The following FOXN2 variants were observed in gnomAD, a reference collection of about 807,000 sequenced individuals.
FOXN2 encodes the protein forkhead box protein N2.
A neutral mutation model predicts 41.2 loss-of-function variants in FOXN2; 19 were observed. That is an observed-to-expected ratio of 0.46 (90% CI 0.32 to 0.68). The LOEUF is 0.68. Among genes scored for constraint, FOXN2 ranks in the 30% least tolerant of loss-of-function variants. The pLI, the probability that FOXN2 is intolerant of heterozygous loss-of-function variation, is 0.03. For missense variants in FOXN2, 587 were observed against 509.4 expected, an observed-to-expected ratio of 1.15 and a Z score of -1.47; for synonymous variants, 195 against 176.8, an observed-to-expected ratio of 1.10 and a Z score of -0.82.
At position 48,333,532 on chromosome 2, in the gene FOXN2, T is replaced by TG. The variant is rs575670711; in HGVS notation, c.-15+4836dup. Among the ~76,000 whole-genome samples, 559 of 152,256 alleles carry TG rather than the reference T, an allele frequency of 3.7e-3. 5 individuals are homozygous for TG. The highest frequency in any genetic ancestry group is 6.0e-3 in the Non-Finnish European group (405 of 67,976). ...AAAAAAGAGACTTACAAGTATTTGTTGGGGGGAATCACGAAGTTTATGCAT... is the reference window on the plus strand; with the variant it reads ...AAAAAAGAGACTTACAAGTATTTGTTGGGGGGGAATCACGAAGTTTATGCAT... On this transcript the variant is annotated intron_variant, in intron 2 of 6. Transcript: ENST00000340553.
intron 2 of FOXN2, among the ~76,000 whole-genome samples, chr2:48,331,981 C>T (rs944300965): frequency 5.3e-5 from 8 of 151,810 alleles, no homozygotes; most frequent in Admixed American, 1.3e-4. Context: ...TCAGATCTAC[C>T]GCATTTGTTA....
intron 2 of FOXN2, among the ~76,000 whole-genome samples, chr2:48,337,306 TTA>T (rs1558619715): frequency 6.6e-6 from 1 of 151,892 alleles, no homozygotes; most frequent in African/African-American, 2.4e-5. Context: ...TTTTTTTTTT[TTA>T]AAGTGAGACG....
chr2:48,314,481 G>C (rs1330544701), upstream of FOXN2, among the ~76,000 whole-genome samples: 1 of 152,218 alleles, frequency 6.6e-6, no homozygotes, highest in African/African-American at 2.4e-5. Context: ...CAGCCAGCCG[G>C]AACCCAGGCC....
chr2:48,375,479 T>A lies in FOXN2; in HGVS notation c.*36T>A. ...AGTGTGGCAATACTCTTTCACTTAA[T>A]TCTTTACAAGGGATATCAAAGCCAT... is the stretch of plus-strand genomic sequence containing the variant. On this transcript the variant is annotated 3_prime_UTR_variant, in exon 7 of 7. Coordinates refer to ENST00000340553, the MANE Select transcript of FOXN2 (RefSeq NM_002158.4). 1 of 1,545,344 alleles carries A rather than the reference T, an allele frequency of 6.5e-7. No homozygotes were observed. The highest frequency in any genetic ancestry group is 8.7e-7 in the Non-Finnish European group (1 of 1,146,318).
intron 3 of FOXN2, among the ~76,000 whole-genome samples, chr2:48,348,375 C>T (rs183687667): frequency 1.2e-4 from 18 of 151,936 alleles, no homozygotes; most frequent in African/African-American, 3.9e-4. Flanking sequence ...TTTTCATTTT[C>T]CTTTTAAAAA....
intron 2 of FOXN2, among the ~76,000 whole-genome samples, chr2:48,333,990 G>A (rs1670180976): frequency 2.0e-5 from 3 of 152,084 alleles, no homozygotes. Flanking sequence ...TTGCAGACCT[G>A]AATAATCAGG....
chr2:48,342,903 A>G (rs1378487341), intron 2 of FOXN2, among the ~76,000 whole-genome samples: 2 of 152,208 alleles, frequency 1.3e-5, no homozygotes, highest in Non-Finnish European at 2.9e-5. Context: ...ACTCTTTGGC[A>G]TATTTTGCTG....
At chr2:48,342,553 T>A (rs558670077) in intron 2 of FOXN2, among the ~76,000 whole-genome samples, 4 of 152,110 alleles carry the variant, frequency 2.6e-5, no homozygotes, top group African/African-American at 9.6e-5. Context: ...TTATTTTATA[T>A]TTTTTAAAAT....
chr2:48,371,431 A>G (rs115582776), intron 5 of FOXN2, among the ~76,000 whole-genome samples: 2,409 of 152,058 alleles, frequency 0.016, 56 homozygotes, highest in African/African-American at 0.053. Context: ...TATGTCAATT[A>G]ATGTCCAGGT....
intron 3 of FOXN2, among the ~76,000 whole-genome samples, chr2:48,355,013 A>G (rs111924869): frequency 7.9e-5 from 12 of 152,302 alleles, no homozygotes; most frequent in African/African-American, 2.6e-4. Context: ...TAGTTACTAG[A>G]ATTAGAAATG....
chr2:48,323,867 T>C (rs1287035608), intron 1 of FOXN2, among the ~76,000 whole-genome samples: 5 of 152,142 alleles, frequency 3.3e-5, no homozygotes, highest in Non-Finnish European at 7.4e-5. Flanking sequence ...TTTCAGGTCT[T>C]ACATTTAAGT....
intron 3 of FOXN2, among the ~76,000 whole-genome samples, chr2:48,351,909 T>A (rs561404017): frequency 6.6e-6 from 1 of 152,340 alleles, no homozygotes; most frequent in African/African-American, 2.4e-5. Flanking sequence ...GGGTAACATA[T>A]GCCAAAGGGC....
intron 5 of FOXN2, among the ~76,000 whole-genome samples, chr2:48,371,946 T>G (rs934432836): frequency 1.1e-4 from 16 of 152,296 alleles, no homozygotes; most frequent in Admixed American, 4.6e-4. Context: ...TCTTTAGTTT[T>G]TTCTATATAT....
upstream of FOXN2, among the ~76,000 whole-genome samples, chr2:48,313,728 C>T (rs1350803091): frequency 6.6e-6 from 1 of 152,190 alleles, no homozygotes; most frequent in Non-Finnish European, 1.5e-5. Context: ...GTTTCCATAT[C>T]TGTAAAGTTT....
At chr2:48,362,807 C>G (rs1248934465) in intron 5 of FOXN2, 100 bp downstream of exon 5, 1 of 990,926 alleles carries the variant, frequency 1.0e-6, no homozygotes, top group East Asian at 2.4e-5. Context: ...TATAATGGAG[C>G]TGAAAAATTT....
intron 1 of FOXN2, among the ~76,000 whole-genome samples, chr2:48,320,571 T>A (rs1669240073): frequency 6.6e-6 from 1 of 152,196 alleles, no homozygotes. Context: ...ATTACAGGTG[T>A]GAGCCACTGC....
chr2:48,361,985 T>C (rs1476426190), intron 4 of FOXN2, among the ~76,000 whole-genome samples: 2 of 152,196 alleles, frequency 1.3e-5, no homozygotes, highest in Non-Finnish European at 2.9e-5. Context: ...ACAGTAACTA[T>C]CATGTATTAT....
chr2:48,355,201 T>C (rs1572751573), intron 3 of FOXN2, among the ~76,000 whole-genome samples: 1 of 152,328 alleles, frequency 6.6e-6, no homozygotes, highest in East Asian at 1.9e-4. Flanking sequence ...GTTGGTCACA[T>C]CTATAATTTT....
intron 5 of FOXN2, among the ~76,000 whole-genome samples, chr2:48,370,867 C>A (rs1336313889): frequency 6.6e-6 from 1 of 152,034 alleles, no homozygotes; most frequent in Non-Finnish European, 1.5e-5. Flanking sequence ...AAAATCTTTT[C>A]CCAGACCAAT....
Sources: allele counts gnomAD v4.1 joint callset (sites outside exome capture counted in the v4.1 genomes callset), GRCh38; gene constraint gnomAD v4.1.1; transcripts MANE v1.5; gene names NCBI Gene and HGNC (gene_info 2026-07-23, HGNC 2026-07-21).